Variants in ATP8A2 observed in about 807,000 individuals in gnomAD.
The protein encoded by ATP8A2 is phospholipid-transporting ATPase IB.
ATP8A2 carries 100 observed loss-of-function variants against 165.6 expected under a neutral mutation model. The ratio of observed to expected loss-of-function variants is 0.60; its 90% confidence interval spans 0.51 to 0.71. The LOEUF (loss-of-function observed/expected upper bound fraction) is 0.71. Ranked by LOEUF, ATP8A2 falls within the 30% of genes least tolerant of loss-of-function variation. The probability of loss-of-function intolerance (pLI) is 0.00; values close to 1 mark genes in which losing one functional copy is unlikely to be tolerated. For synonymous variants in ATP8A2, 543 were observed against 548.8 expected, an observed-to-expected ratio of 0.99 and a Z score of 0.15; for missense variants, 1,227 against 1,479.5, an observed-to-expected ratio of 0.83 and a Z score of 2.80.
Position 25,372,204 on chromosome 13 carries a change from A to G in ATP8A2, c.-9A>G. ...CGCCCGGGGCCGCCGAGCCCCCGAC[A>G]CGGGCGAGATGCTGAACGGCGCAGG... On this transcript the variant is annotated 5_prime_UTR_variant, in exon 1 of 37. Coordinates refer to ENST00000381655, the MANE Select transcript of ATP8A2 (RefSeq NM_016529.6). This position sits in a 1 kb window ranked among gnomAD's most constrained non-coding sequence, Gnocchi z 4.8. 7.0e-7 allele frequency: 1 copy of G among 1,430,252 alleles called. No homozygotes were observed. The highest frequency in any genetic ancestry group is 3.1e-5 in the East Asian group (1 of 31,782). 88.6% of individuals were successfully genotyped at this position (1,430,252 alleles called of 1,614,324 possible). A position where few individuals can be genotyped will look rare whatever the true frequency, so the allele number is the denominator to read the frequency against.
At chr13:25,385,650 A>G (rs1381571397) in intron 1 of ATP8A2, among the ~76,000 whole-genome samples, 1 of 152,206 alleles carries the variant, frequency 6.6e-6, no homozygotes, top group Admixed American at 6.5e-5. Flanking sequence ...TCATGTGGAT[A>G]CAATGCCTTT....
rs191948861 is a variant in ATP8A2 at position 25,612,953 on chromosome 13, A to G, written c.2211+23254A>G. On this transcript the variant is annotated intron_variant, in intron 24 of 36. Coordinates refer to ENST00000381655, the MANE Select transcript of ATP8A2 (RefSeq NM_016529.6). ...TGTTTGGTCTGATGTAAGAATAGCT[A>G]CTTCTGCATGCTTTTGGTGTCTGTT... 9.2e-5 allele frequency among the ~76,000 whole-genome samples: 14 copies of G among 152,208 alleles called. No individual in the cohort carries two copies. The East Asian group carries it at 2.7e-3, about 29-fold the overall frequency.
At chr13:25,560,713 A>G (rs1186145832) in intron 15 of ATP8A2, among the ~76,000 whole-genome samples, 1 of 151,084 alleles carries the variant, frequency 6.6e-6, no homozygotes, top group East Asian at 1.9e-4. Context: ...AAAAAAAAAA[A>G]AAAAAAAAAA....
Position 25,698,301 on chromosome 13 carries a change from G to A in ATP8A2, c.2212-872G>A, listed in dbSNP as rs539148801. Among the ~76,000 whole-genome samples the A allele has an allele frequency of 2.0e-5, 3 of 151,594 alleles. No homozygotes were observed. The East Asian group carries it at 5.8e-4, about 30-fold the overall frequency. On this transcript the variant is annotated intron_variant, in intron 24 of 36. Coordinates refer to ENST00000381655, the MANE Select transcript of ATP8A2 (RefSeq NM_016529.6). ...AGTGGTGTGCTCAGTGTTCACTACA[G>A]CGTCAACTTTCCAGGATCAAGCGAT...
At chr13:25,906,741 A>G (rs968095959) in intron 33 of ATP8A2, among the ~76,000 whole-genome samples, 1 of 152,178 alleles carries the variant, frequency 6.6e-6, no homozygotes, top group Non-Finnish European at 1.5e-5. Context: ...AATGTTGCTT[A>G]AAGTCTTACC....
At chr13:25,456,458 A>C (rs963394368) in intron 1 of ATP8A2, among the ~76,000 whole-genome samples, 8 of 152,208 alleles carry the variant, frequency 5.3e-5, no homozygotes, top group African/African-American at 1.7e-4. Context: ...TGTGAGACTG[A>C]GAAATGTGCT....
intron 1 of ATP8A2, among the ~76,000 whole-genome samples, chr13:25,378,901 T>G (rs1008864634): frequency 1.3e-5 from 2 of 152,188 alleles, no homozygotes; most frequent in African/African-American, 4.8e-5. Flanking sequence ...GCCTTTAGTG[T>G]TTTTCGCATA....
Position 25,835,215 on chromosome 13 carries a change from A to G in ATP8A2, c.2755-1948A>G, listed in dbSNP as rs1169657191. 3.3e-5 allele frequency among the ~76,000 whole-genome samples: 5 copies of G among 152,290 alleles called. No individual in the cohort carries two copies. In the South Asian group the frequency reaches 8.3e-4, roughly 25 times the overall value. On this transcript the variant is annotated intron_variant, in intron 28 of 36. Coordinates refer to ENST00000381655, the MANE Select transcript of ATP8A2 (RefSeq NM_016529.6). ...GAGAGTATGTACTAAGAAAGTGTGC[A>G]TGGCTCCTGGCTTCTGGTAGAAGCT...
At chr13:25,383,790 C>A (rs138550162) in intron 1 of ATP8A2, among the ~76,000 whole-genome samples, 1 of 152,050 alleles carries the variant, frequency 6.6e-6, no homozygotes, top group Non-Finnish European at 1.5e-5. Flanking sequence ...TCCATAGTGA[C>A]CCTCTCCAAA....
chr13:25,922,983 T>G (rs1279704313), intron 33 of ATP8A2, among the ~76,000 whole-genome samples: 1 of 152,172 alleles, frequency 6.6e-6, no homozygotes, highest in Non-Finnish European at 1.5e-5. Context: ...CCAGAACTGA[T>G]GTGGACTCTT....
intron 23 of ATP8A2, among the ~76,000 whole-genome samples, chr13:25,586,992 A>G (rs1330289523): frequency 2.6e-5 from 4 of 152,176 alleles, no homozygotes; most frequent in Non-Finnish European, 5.9e-5. Context: ...CTTTTGTAGT[A>G]TACTGTTAAT....
chr13:25,871,670 A>G (rs1188870080), intron 33 of ATP8A2, among the ~76,000 whole-genome samples: 5 of 152,132 alleles, frequency 3.3e-5, no homozygotes, highest in African/African-American at 9.7e-5. Context: ...AGTAGGGGAT[A>G]TTTTCAGTGA....
intron 1 of ATP8A2, among the ~76,000 whole-genome samples, chr13:25,409,699 A>G (rs2033910382): frequency 6.6e-6 from 1 of 152,168 alleles, no homozygotes; most frequent in Non-Finnish European, 1.5e-5. Context: ...AGGAAGGATC[A>G]CCTGCCTTTC....
At chr13:25,859,137 G>A (rs951449945) in intron 30 of ATP8A2, among the ~76,000 whole-genome samples, 6 of 152,048 alleles carry the variant, frequency 3.9e-5, no homozygotes, top group South Asian at 4.2e-4. Flanking sequence ...AGGAGGCAGA[G>A]GTTGCAGTGA....
chr13:25,642,184 G>A (rs539113964), intron 24 of ATP8A2, among the ~76,000 whole-genome samples: 13 of 152,254 alleles, frequency 8.5e-5, no homozygotes, highest in Admixed American at 5.9e-4. Context: ...TCAGGACATA[G>A]GCATGGGCAA....
intron 1 of ATP8A2, among the ~76,000 whole-genome samples, chr13:25,435,162 C>T (rs1426600171): frequency 2.7e-5 from 4 of 150,704 alleles, no homozygotes; most frequent in Non-Finnish European, 2.9e-5. Context: ...GCTTTTTTGC[C>T]CAGGCCGGAG....
chr13:26,018,292 G>A (rs1957028460), intron 36 of ATP8A2, among the ~76,000 whole-genome samples: 1 of 152,210 alleles, frequency 6.6e-6, no homozygotes, highest in African/African-American at 2.4e-5. Flanking sequence ...AAAACAGCCT[G>A]AGTGTCTTCT....
intron 24 of ATP8A2, among the ~76,000 whole-genome samples, chr13:25,695,621 C>T (rs1003566730): frequency 1.3e-4 from 20 of 152,328 alleles, no homozygotes; most frequent in African/African-American, 4.8e-4. Flanking sequence ...GGCGTGTTCA[C>T]CAGGTGTAGA....
chr13:25,627,692 C>A (rs1225889146), intron 24 of ATP8A2, among the ~76,000 whole-genome samples: 1 of 152,122 alleles, frequency 6.6e-6, no homozygotes, highest in Non-Finnish European at 1.5e-5. Flanking sequence ...TTAAGCCACC[C>A]AGTCTGTGGC....
Sources: allele counts gnomAD v4.1 joint callset (sites outside exome capture counted in the v4.1 genomes callset), GRCh38; gene constraint gnomAD v4.1.1; non-coding constraint Gnocchi (gnomAD v3.1); transcripts MANE v1.5; gene names NCBI Gene and HGNC (gene_info 2026-07-23, HGNC 2026-07-21).